UHRF2: variants seen among roughly 807,000 people sequenced by gnomAD.
UHRF2 encodes ubiquitin like with PHD and ring finger domains 2.
UHRF2 carries 23 observed loss-of-function variants against 96.8 expected under a neutral mutation model. That is an observed-to-expected ratio of 0.24 (90% confidence interval 0.17 to 0.34). The LOEUF (loss-of-function observed/expected upper bound fraction) is 0.34, where lower values mean the gene tolerates loss of function less well. UHRF2 is among the 10% of genes least tolerant of loss of function. UHRF2 has a pLI of 1.00. For synonymous variants in UHRF2, 385 were observed against 332.6 expected (o/e 1.16, Z -1.72); for missense variants, 685 against 981.5 (o/e 0.70, Z 4.04).
At chr9:6,444,210 A>T (rs1821354671) in intron 3 of UHRF2, among the ~76,000 whole-genome samples, 1 of 152,112 alleles carries the variant, frequency 6.6e-6, no homozygotes, top group African/African-American at 2.4e-5. Flanking sequence ...TAATTTCAGA[A>T]CCCTGGTAAA....
rs1159962883 is a variant in UHRF2, at chr9:6,506,868, A to C, written c.*689A>C. On this transcript the variant is annotated 3_prime_UTR_variant, in exon 16 of 16. Coordinates refer to ENST00000276893, the MANE Select transcript of UHRF2 (RefSeq NM_152896.3). ...TCATATGCTCTAGTTGTAAATGTTC[A>C]TGAAAATCCACTTCTCTACTAGTCG... 1 of 152,656 alleles carries C rather than the reference A, an allele frequency of 6.6e-6. No homozygotes were observed. The highest frequency in any genetic ancestry group is 1.5e-5 in the Non-Finnish European group (1 of 68,052). The allele number at this position is 152,656 out of a possible 1,614,324, so 9.5% of individuals were successfully genotyped here.
intron 2 of UHRF2, among the ~76,000 whole-genome samples, chr9:6,432,118 A>G (rs1459576425): frequency 1.3e-5 from 2 of 152,200 alleles, no homozygotes; most frequent in Non-Finnish European, 2.9e-5. Flanking sequence ...GAATTAATTT[A>G]TGTAATGTAT....
chr9:6,416,738 A>G (rs1033941042), intron 1 of UHRF2, among the ~76,000 whole-genome samples: 19 of 149,842 alleles, frequency 1.3e-4, no homozygotes, highest in Non-Finnish European at 2.7e-4. Flanking sequence ...ACGGGGTTTC[A>G]CCGTGGTCTC....
At chr9:6,475,336 G>C in intron 4 of UHRF2, 55 bp from the exon 5 acceptor site, 1 of 1,096,134 alleles carries the variant, frequency 9.1e-7, no homozygotes, top group Non-Finnish European at 1.3e-6. Context: ...ATTATTATTT[G>C]TATATACCTT....
intron 9 of UHRF2, chr9:6,492,854 T>TA (rs1824744556): frequency 6.7e-6 from 1 of 148,946 alleles, no homozygotes; most frequent in Non-Finnish European, 1.5e-5. Flanking sequence ...TTTTTTTTTT[T>TA]ACATTTAGTA....
intron 3 of UHRF2, among the ~76,000 whole-genome samples, chr9:6,439,007 C>G (rs546880728): frequency 3.7e-4 from 56 of 152,216 alleles, no homozygotes; most frequent in African/African-American, 1.3e-3. Context: ...TAAAATATAA[C>G]TGAAATAATT....
In UHRF2 at chr9:6,435,293, C is replaced by T. The variant is rs373908838; in HGVS notation, c.644+1120C>T. 1.7e-4 allele frequency among the ~76,000 whole-genome samples: 26 copies of T among 152,092 alleles called. No individual in the cohort carries two copies. In the East Asian group the frequency reaches 2.9e-3, roughly 17 times the overall value. ...ACAGGCGTAAGCCACCACACCTGGC[C>T]GGCTAATTTTTTTGTAGAGATGTGG... is the stretch of plus-strand genomic sequence containing the variant. On this transcript the variant is annotated intron_variant, in intron 3 of 15. Transcript: ENST00000276893.
chr9:6,477,866 T>C, intron 6 of UHRF2, 58 bp downstream of exon 6: 1 of 1,417,424 alleles, frequency 7.1e-7, no homozygotes, highest in East Asian at 2.3e-5. Flanking sequence ...GAAATATGTA[T>C]TTGAACCACC....
rs1253748372 is a variant in UHRF2 at position 6,499,849 on chromosome 9, C to T, written c.1923C>T (p.Tyr641=). The T allele has an allele frequency of 6.3e-7, 1 of 1,592,752 alleles. No homozygotes were observed. Among genetic ancestry groups the T allele is most frequent in the South Asian group, 1.1e-5 (1 of 90,688 alleles). Reference sequence around the variant, plus strand: ...CCCCCCATCAGTATCCAGCAGGTTACCCTTCAGATAAAGAAGGGAAGAAGC... The same window carrying T: ...CCCCCCATCAGTATCCAGCAGGTTATCCTTCAGATAAAGAAGGGAAGAAGC... ...LCLRLQYPAG[Y]PSDKEGKKPK... Residue 641 remains tyrosine (Y), a synonymous_variant, in exon 13 of 16, where the codon TAC becomes TAT. Transcript: ENST00000276893.
intron 3 of UHRF2, among the ~76,000 whole-genome samples, chr9:6,440,844 C>T (rs916218303): frequency 3.9e-5 from 6 of 152,178 alleles, no homozygotes; most frequent in African/African-American, 7.2e-5. Context: ...GAGACCTCTC[C>T]GCATAGAATT....
At chr9:6,441,973 G>A (rs1349193044) in intron 3 of UHRF2, among the ~76,000 whole-genome samples, 2 of 152,090 alleles carry the variant, frequency 1.3e-5, no homozygotes, top group Non-Finnish European at 2.9e-5. Flanking sequence ...ATAGTTGACT[G>A]TTCCGAGATC....
chr9:6,477,582 T>C, intron 5 of UHRF2, 40 bp from the exon 6 acceptor site: 3 of 1,519,886 alleles, frequency 2.0e-6, no homozygotes, highest in Non-Finnish European at 1.8e-6. Context: ...ATATAAAAAA[T>C]GTTTTAAGAC....
intron 3 of UHRF2, among the ~76,000 whole-genome samples, chr9:6,446,222 C>T (rs1345317461): frequency 6.6e-6 from 1 of 151,792 alleles, no homozygotes; most frequent in Non-Finnish European, 1.5e-5. Flanking sequence ...TCAATCTTGC[C>T]TCACTGCAAC....
chr9:6,489,732 T>G (rs963782101), intron 9 of UHRF2, among the ~76,000 whole-genome samples: 4 of 149,586 alleles, frequency 2.7e-5, no homozygotes, highest in Admixed American at 6.6e-5. Context: ...GTTTTTGTTT[T>G]TTTTTTTTTT....
intron 2 of UHRF2, among the ~76,000 whole-genome samples, chr9:6,430,992 A>G (rs1347122342): frequency 6.6e-6 from 1 of 151,902 alleles, no homozygotes; most frequent in Non-Finnish European, 1.5e-5. Flanking sequence ...CTATTTTGCT[A>G]CTCCTTTAGC....
At chr9:6,469,405 C>T (rs951250937) in intron 4 of UHRF2, among the ~76,000 whole-genome samples, 1 of 151,896 alleles carries the variant, frequency 6.6e-6, no homozygotes, top group African/African-American at 2.4e-5. Flanking sequence ...GTAGTCCCAG[C>T]TACTCGGGAG....
intron 12 of UHRF2, chr9:6,499,047 A>G (rs558638483): frequency 3.3e-5 from 5 of 152,362 alleles, no homozygotes; most frequent in African/African-American, 1.2e-4. Context: ...AATTCTTTTT[A>G]ATATAAAAAT....
chr9:6,480,465 A>T (rs1375638727), intron 6 of UHRF2, among the ~76,000 whole-genome samples: 1 of 152,230 alleles, frequency 6.6e-6, no homozygotes, highest in African/African-American at 2.4e-5. Flanking sequence ...TTAGGATGGT[A>T]TAATTAGAAG....
At chr9:6,494,146 A>C (rs117248924) in intron 10 of UHRF2, 2 of 469,852 alleles carry the variant, frequency 4.3e-6, no homozygotes, top group African/African-American at 4.0e-5. Context: ...AGTCTTACTG[A>C]ATACATGTGA....
Sources: gnomAD v4.1 joint callset for allele counts (sites outside exome capture counted in the v4.1 genomes callset) on GRCh38, gnomAD v4.1.1 for gene constraint, MANE v1.5 for transcripts, NCBI Gene and HGNC (gene_info 2026-07-23, HGNC 2026-07-21) for gene names.